The following FARS2 variants were observed in gnomAD, a reference collection of about 807,000 sequenced individuals.
FARS2 encodes phenylalanine--tRNA ligase, mitochondrial.
A neutral mutation model predicts 46.4 loss-of-function variants in FARS2; 40 were observed. The ratio of observed to expected loss-of-function variants is 0.86; its 90% CI spans 0.67 to 1.12. The LOEUF is 1.12. FARS2 is among the 50% of genes most tolerant of loss of function. The pLI, the probability that FARS2 is intolerant of heterozygous loss-of-function variation, is 0.00. For missense variants in FARS2, 513 were observed against 567.9 expected, an observed-to-expected ratio of 0.90 and a Z score of 0.98; for synonymous variants, 234 against 214.9, an observed-to-expected ratio of 1.09 and a Z score of -0.78.
chr6:5,644,399 A>G (rs556244033), intron 6 of FARS2, among the ~76,000 whole-genome samples: 17 of 152,184 alleles, frequency 1.1e-4, no homozygotes, highest in African/African-American at 4.1e-4. Context: ...TGCATTTTGT[A>G]GTAATGGAGT....
At chr6:5,286,680 C>A (rs956018003) in intron 1 of FARS2, among the ~76,000 whole-genome samples, 2 of 152,032 alleles carry the variant, frequency 1.3e-5, no homozygotes, top group African/African-American at 2.4e-5. Context: ...TAATTATATT[C>A]AATGCGATTT....
chr6:5,296,720 A>G (rs936931342), intron 1 of FARS2, among the ~76,000 whole-genome samples: 1 of 152,130 alleles, frequency 6.6e-6, no homozygotes, highest in Admixed American at 6.5e-5. Flanking sequence ...TAACATTTTC[A>G]TGGTTCATCC....
intron 6 of FARS2, among the ~76,000 whole-genome samples, chr6:5,738,774 G>GAA (rs5873993): frequency 8.1e-4 from 121 of 148,712 alleles, no homozygotes; most frequent in Middle Eastern, 3.6e-3. Flanking sequence ...CATACATTTA[G>GAA]AAAAAAAAAA....
At chr6:5,589,335 A>C (rs1240271819) in intron 5 of FARS2, among the ~76,000 whole-genome samples, 1 of 152,240 alleles carries the variant, frequency 6.6e-6, no homozygotes, top group African/African-American at 2.4e-5. Flanking sequence ...AGCACTTGGC[A>C]GGTAGCTAGA....
intron 6 of FARS2, among the ~76,000 whole-genome samples, chr6:5,693,681 G>A (rs1273623149): frequency 1.3e-5 from 2 of 152,154 alleles, no homozygotes; most frequent in Admixed American, 6.5e-5. Flanking sequence ...GCCTTGTCTG[G>A]GAAGACTCGA....
chr6:5,384,730 T>A (rs1410803058), intron 2 of FARS2, among the ~76,000 whole-genome samples: 2 of 152,166 alleles, frequency 1.3e-5, no homozygotes, highest in Non-Finnish European at 2.9e-5. Context: ...AACCTGTCTG[T>A]TTGAAGCTTG....
intron 5 of FARS2, among the ~76,000 whole-genome samples, chr6:5,561,158 G>C (rs774355369): frequency 6.6e-6 from 1 of 152,030 alleles, no homozygotes; most frequent in Non-Finnish European, 1.5e-5. Context: ...AACAAAAAAA[G>C]TATTGGCATA....
At chr6:5,479,773 T>C (rs1022501623) in intron 4 of FARS2, among the ~76,000 whole-genome samples, 2 of 152,242 alleles carry the variant, frequency 1.3e-5, no homozygotes, top group Non-Finnish European at 1.5e-5. Flanking sequence ...AACTCCACAT[T>C]ACAACTTAAT....
At chr6:5,647,782 G>C (rs1197709417) in intron 6 of FARS2, among the ~76,000 whole-genome samples, 1 of 152,202 alleles carries the variant, frequency 6.6e-6, no homozygotes, top group Non-Finnish European at 1.5e-5. Flanking sequence ...AGAATCATCA[G>C]TGCATGATAC....
At chr6:5,493,882 T>C (rs1022691573) in intron 4 of FARS2, among the ~76,000 whole-genome samples, 1 of 152,262 alleles carries the variant, frequency 6.6e-6, no homozygotes, top group Non-Finnish European at 1.5e-5. Context: ...TTACTGTCAT[T>C]TGCTTTTATT....
At chr6:5,269,837 A>G (rs1190765428) in intron 1 of FARS2, among the ~76,000 whole-genome samples, 1 of 152,258 alleles carries the variant, frequency 6.6e-6, no homozygotes, top group Middle Eastern at 3.2e-3. Flanking sequence ...TAGAAGATAT[A>G]CAGAGAATTC....
At chr6:5,582,489 C>T (rs1773393647) in intron 5 of FARS2, among the ~76,000 whole-genome samples, 1 of 152,224 alleles carries the variant, frequency 6.6e-6, no homozygotes. Context: ...TCCCATTTTG[C>T]AGATGAGGGA....
intron 6 of FARS2, among the ~76,000 whole-genome samples, chr6:5,672,089 C>T (rs1344343785): frequency 6.6e-6 from 1 of 152,166 alleles, no homozygotes; most frequent in African/African-American, 2.4e-5. Flanking sequence ...AGTAGATGAA[C>T]ACAGGAATCA....
intron 4 of FARS2, among the ~76,000 whole-genome samples, chr6:5,446,046 CA>C (rs1764167352): frequency 6.6e-6 from 1 of 151,768 alleles, no homozygotes; most frequent in Non-Finnish European, 1.5e-5. Flanking sequence ...AAAAGAAATA[CA>C]AAAAAATTAG....
chr6:5,735,295 C>G (rs1015286372), intron 6 of FARS2, among the ~76,000 whole-genome samples: 1 of 152,230 alleles, frequency 6.6e-6, no homozygotes, highest in Non-Finnish European at 1.5e-5. Flanking sequence ...ATTCCAGATT[C>G]TCTGATTCTA....
chr6:5,363,526 G>A (rs902378497), intron 1 of FARS2, among the ~76,000 whole-genome samples: 8 of 151,918 alleles, frequency 5.3e-5, no homozygotes, highest in African/African-American at 1.5e-4. Context: ...ATGGGCATAC[G>A]ATGATAAATA....
chr6:5,613,275 A>T lies in FARS2; in HGVS notation c.1172A>T (p.Asp391Val), dbSNP rs397514612. 13 of 1,613,458 alleles carry T rather than the reference A, an allele frequency of 8.1e-6. No individual in the cohort carries two copies. The highest frequency in any genetic ancestry group is 1.7e-6 in the Non-Finnish European group (2 of 1,179,810). ...FYDLVRTIGG[D>V]LVEKVDLIDK... ...GACTTAGTCCGAACAATTGGAGGAG[A>T]CCTGGTGGAAAAGGTTGATCTCATA... Residue 391 changes from aspartate to valine, a missense_variant, in exon 6 of 7, where the codon GAC (aspartate) becomes GTC (valine). Coordinates refer to ENST00000274680, the MANE Select transcript of FARS2 (RefSeq NM_006567.5).
chr6:5,273,593 C>A (rs1039863055), intron 1 of FARS2, among the ~76,000 whole-genome samples: 1 of 152,014 alleles, frequency 6.6e-6, no homozygotes. Flanking sequence ...TTTGCAAATA[C>A]TTTTTCCTAT....
At chr6:5,420,486 G>C (rs1250785258) in intron 3 of FARS2, among the ~76,000 whole-genome samples, 2 of 152,190 alleles carry the variant, frequency 1.3e-5, no homozygotes. Context: ...TGGGGGTACT[G>C]GCATTGGGTA....
Sources: gnomAD v4.1 joint callset for allele counts (sites outside exome capture counted in the v4.1 genomes callset) on GRCh38, gnomAD v4.1.1 for gene constraint, MANE v1.5 for transcripts, NCBI Gene and HGNC (gene_info 2026-07-23, HGNC 2026-07-21) for gene names.